The following CHSY3 variants were observed in gnomAD, a reference collection of about 807,000 sequenced individuals.
The protein encoded by CHSY3 is chondroitin sulfate synthase 3, also known as N-acetylgalactosaminyl-proteoglycan 3-beta-glucuronosyltransferase 3.
CHSY3 carries 35 observed loss-of-function variants against 67.2 expected under a neutral mutation model. The ratio of observed to expected loss-of-function variants is 0.52; its 90% CI spans 0.40 to 0.69. The LOEUF (loss-of-function observed/expected upper bound fraction) is 0.69, where lower values mean the gene tolerates loss of function less well. CHSY3 is among the 30% of genes least tolerant of loss of function. The probability of loss-of-function intolerance (pLI) is 0.00; values close to 1 mark genes in which losing one functional copy is unlikely to be tolerated. For missense variants in CHSY3, 1,069 were observed against 1,138.5 expected (o/e 0.94, Z 0.88); for synonymous variants, 474 against 434.7 (o/e 1.09, Z -1.12).
At chr5:129,923,962 T>C (rs1053768396) in intron 2 of CHSY3, among the ~76,000 whole-genome samples, 6 of 152,192 alleles carry the variant, frequency 3.9e-5, no homozygotes, top group Non-Finnish European at 7.3e-5. Context: ...ATTATATTCA[T>C]GGGTAAAGTA....
In CHSY3 at chr5:130,185,713, T is replaced by G. The variant is rs530856494; in HGVS notation, c.2571T>G (p.Thr857=). 50 of 1,613,652 alleles carry G rather than the reference T, an allele frequency of 3.1e-5. No individual in the cohort carries two copies. In the South Asian group the frequency reaches 4.7e-4, roughly 15 times the overall value. The change falls in exon 3 of 3, where the codon ACT becomes ACG. Residue 857 remains threonine, a synonymous_variant. Coordinates refer to ENST00000305031, the MANE Select transcript of CHSY3 (RefSeq NM_175856.5). The part of the protein sequence containing the change: ...YKMCLGSKAS[T]FASTMQLAEL... ...TGTGCTTAGGATCCAAGGCAAGTAC[T>G]TTCGCCTCAACCATGCAACTGGCTG... is the stretch of plus-strand genomic sequence containing the variant.
intron 2 of CHSY3, among the ~76,000 whole-genome samples, chr5:130,174,965 C>A (rs984713002): frequency 4.6e-5 from 7 of 152,114 alleles, no homozygotes; most frequent in Non-Finnish European, 1.5e-5. Flanking sequence ...AAGAGACACA[C>A]ATGGAAAAGA....
At chr5:130,011,278 A>T (rs1018089550) in intron 2 of CHSY3, among the ~76,000 whole-genome samples, 6 of 152,202 alleles carry the variant, frequency 3.9e-5, no homozygotes, top group African/African-American at 1.4e-4. Context: ...ATCTACCATG[A>T]TCAGGTAGGT....
At chr5:130,087,949 A>G (rs1343423469) in intron 2 of CHSY3, among the ~76,000 whole-genome samples, 6 of 152,044 alleles carry the variant, frequency 3.9e-5, no homozygotes, top group East Asian at 3.9e-4. Context: ...GAGGCATCAC[A>G]CTACCTGACT....
Position 130,026,459 on chromosome 5 carries a change from A to C in CHSY3, c.1086+118099A>C, listed in dbSNP as rs573600987. 2.3e-4 allele frequency among the ~76,000 whole-genome samples: 35 copies of C among 152,058 alleles called. No homozygotes were observed. The South Asian group carries it at 7.0e-3, about 31-fold the overall frequency. On this transcript the variant is annotated intron_variant, in intron 2 of 2. Coordinates refer to ENST00000305031, the MANE Select transcript of CHSY3 (RefSeq NM_175856.5). ...GGTAAGCAGGATTTCCTTCAATAGA[A>C]TTCATTGTTTCACATCAGCAAAAAA...
At position 129,982,031 on chromosome 5, in the gene CHSY3, T is replaced by A. The variant is rs534842388; in HGVS notation, c.1086+73671T>A. On this transcript the variant is annotated intron_variant, in intron 2 of 2. Coordinates refer to ENST00000305031, the MANE Select transcript of CHSY3 (RefSeq NM_175856.5). The stretch of plus-strand genomic sequence containing the variant: ...TTTTTAATGTTGAACCAGCCTTGCA[T>A]GCCTGAGACAGATATGAATTGGTTG... 2.6e-5 allele frequency among the ~76,000 whole-genome samples: 4 copies of A among 152,328 alleles called. No homozygotes were observed. In the South Asian group the frequency reaches 8.3e-4, roughly 32 times the overall value.
intron 2 of CHSY3, among the ~76,000 whole-genome samples, chr5:130,072,319 A>G (rs1428025856): frequency 1.3e-5 from 2 of 151,974 alleles, no homozygotes; most frequent in Non-Finnish European, 2.9e-5. Context: ...TTTTGAGTTG[A>G]TTTTTGTGTG....
At position 129,904,673 on chromosome 5, in the gene CHSY3, T is replaced by G. The variant is rs1320615113; in HGVS notation, c.-157T>G. The G allele has an allele frequency of 8.7e-7, 1 of 1,144,336 alleles. No individual in the cohort carries two copies. Among genetic ancestry groups the G allele is most frequent in the African/African-American group, 1.6e-5 (1 of 62,048 alleles). 70.9% of individuals were successfully genotyped at this position (1,144,336 alleles called of 1,614,324 possible). ...GCTGCAGCCCGCGGCAGTCGAGGCG[T>G]CCGCGGCGCTTCGACCTCCAGCCGG... On this transcript the variant is annotated 5_prime_UTR_variant, in exon 1 of 3. Transcript: ENST00000305031.
chr5:129,977,189 C>G (rs1212776927), intron 2 of CHSY3, among the ~76,000 whole-genome samples: 1 of 152,088 alleles, frequency 6.6e-6, no homozygotes, highest in Non-Finnish European at 1.5e-5. Context: ...TGAAGGCAAT[C>G]CAAACCTGAA....
chr5:129,905,868 C>A, intron 1 of CHSY3: 1 of 904,270 alleles, frequency 1.1e-6, no homozygotes, highest in Non-Finnish European at 1.6e-6. Flanking sequence ...GCCTTCCTCA[C>A]TTGCTGTTTT....
At chr5:129,930,580 A>G (rs1761275246) in intron 2 of CHSY3, among the ~76,000 whole-genome samples, 1 of 151,584 alleles carries the variant, frequency 6.6e-6, no homozygotes. Context: ...GGAATGAAAC[A>G]AGGTGAGCTG....
chr5:129,919,331 G>A (rs192330479), intron 2 of CHSY3, among the ~76,000 whole-genome samples: 12 of 152,200 alleles, frequency 7.9e-5, no homozygotes, highest in East Asian at 1.9e-4. Flanking sequence ...TGCAAAGGTA[G>A]GAAAACTGTT....
At chr5:130,002,946 A>C (rs911597214) in intron 2 of CHSY3, among the ~76,000 whole-genome samples, 27 of 152,078 alleles carry the variant, frequency 1.8e-4, no homozygotes, top group Non-Finnish European at 2.8e-4. Flanking sequence ...TTTTTGAATT[A>C]CTATTTCTGT....
In CHSY3 at chr5:129,918,781, A is replaced by T. The variant is rs182578271; in HGVS notation, c.1086+10421A>T. Among the ~76,000 whole-genome samples, 3 of 150,572 alleles carry T rather than the reference A, an allele frequency of 2.0e-5. No homozygotes were observed. In the East Asian group the frequency reaches 6.0e-4, roughly 30 times the overall value. On this transcript the variant is annotated intron_variant, in intron 2 of 2. Transcript: ENST00000305031. The stretch of plus-strand genomic sequence containing the variant: ...TATGTAATATTCAAAGGTTTAGATC[A>T]TACATTGTAGATCAGTGATTCTCTT...
chr5:129,944,263 T>C (rs929484760), intron 2 of CHSY3, among the ~76,000 whole-genome samples: 14 of 152,222 alleles, frequency 9.2e-5, no homozygotes, highest in Non-Finnish European at 1.5e-4. Flanking sequence ...AGAAGACTAG[T>C]TGTTCTAGAC....
intron 2 of CHSY3, among the ~76,000 whole-genome samples, chr5:130,062,872 A>G (rs1765758809): frequency 6.6e-6 from 1 of 152,132 alleles, no homozygotes; most frequent in South Asian, 2.1e-4. Context: ...TTTTTAAAGC[A>G]TGTTCAAAAA....
At chr5:129,994,482 C>A (rs535483962) in intron 2 of CHSY3, among the ~76,000 whole-genome samples, 1 of 152,092 alleles carries the variant, frequency 6.6e-6, no homozygotes, top group East Asian at 1.9e-4. Context: ...TCACTGATAC[C>A]CTTTCTTCCA....
At chr5:130,182,572 A>C (rs1006645659) in intron 2 of CHSY3, among the ~76,000 whole-genome samples, 1 of 152,128 alleles carries the variant, frequency 6.6e-6, no homozygotes, top group African/African-American at 2.4e-5. Flanking sequence ...CATACCCAAA[A>C]GTCTTGCAGA....
chr5:130,179,147 A>G (rs1372674813), intron 2 of CHSY3, among the ~76,000 whole-genome samples: 11 of 152,194 alleles, frequency 7.2e-5, no homozygotes, highest in Non-Finnish European at 1.2e-4. Context: ...TGTTAAATCT[A>G]CCATTTTTAT....
Sources: allele counts gnomAD v4.1 joint callset (sites outside exome capture counted in the v4.1 genomes callset), GRCh38; gene constraint gnomAD v4.1.1; transcripts MANE v1.5; gene names NCBI Gene and HGNC (gene_info 2026-07-23, HGNC 2026-07-21).